Variants in ARMC9 observed in about 807,000 individuals in gnomAD.
ARMC9 encodes lisH domain-containing protein ARMC9.
In ARMC9, 94 loss-of-function variants were observed where a neutral mutation model predicts 107.0. The ratio of observed to expected loss-of-function variants is 0.88; its 90% CI spans 0.74 to 1.04. The LOEUF (loss-of-function observed/expected upper bound fraction) is 1.04, where lower values mean the gene tolerates loss of function less well. ARMC9 is among the 50% of genes least tolerant of loss of function. The pLI is 0.00. For missense variants in ARMC9, 942 were observed against 1,030.1 expected, an observed-to-expected ratio of 0.91 and a Z score of 1.17; for synonymous variants, 380 against 396.9, an observed-to-expected ratio of 0.96 and a Z score of 0.51.
chr2:231,370,070 C>T lies in ARMC9; in HGVS notation c.2379C>T (p.Gly793=). ...SVLAPLFSSC[G]PQQASRPGST... The stretch of plus-strand genomic sequence containing the variant: ...TGGCCCCTCTGTTCTCTTCGTGTGG[C>T]CCCCAGCAGGCCAGCCGCCCCGGCT... The change falls in exon 24 of 25, where the codon GGC becomes GGT. Residue 793 remains glycine (G), a synonymous_variant. Transcript: ENST00000611582. The T allele has an allele frequency of 1.3e-6, 2 of 1,534,992 alleles. No homozygotes were observed. Among genetic ancestry groups the T allele is most frequent in the Non-Finnish European group, 8.7e-7 (1 of 1,146,194 alleles).
At chr2:231,273,200 C>G (rs1053258227) in intron 14 of ARMC9, 122 bp downstream of exon 14, 2 of 1,337,426 alleles carry the variant, frequency 1.5e-6, no homozygotes, top group Non-Finnish European at 2.0e-6. Context: ...GGATGACTTT[C>G]TAAGACAGAG....
Position 231,216,773 on chromosome 2 carries a change from T to C in ARMC9, c.484T>C (p.Ser162Pro), listed in dbSNP as rs1181755333. Residue 162 changes from serine to proline, a missense_variant, in exon 5 of 25, where the codon TCA (serine) becomes CCA (proline). Coordinates refer to ENST00000611582, the MANE Select transcript of ARMC9 (RefSeq NM_001352754.2). ...PFVPNPMVHP[S>P]FKELFQDSWT... ...TGTTCCCAACCCTATGGTGCACCCC[T>C]CATTTAAAGAACTCTTCCAGGTAAA... 3 of 1,612,688 alleles carry C rather than the reference T, an allele frequency of 1.9e-6. No homozygotes were observed. The South Asian group carries it at 3.3e-5, about 18-fold the overall frequency.
intron 21 of ARMC9, among the ~76,000 whole-genome samples, chr2:231,345,827 T>G: frequency 6.6e-6 from 1 of 152,234 alleles, no homozygotes; most frequent in Admixed American, 6.5e-5. Context: ...ATACCGTGTT[T>G]TACTTAGTTA....
chr2:231,284,818 G>A (rs1356136668), intron 17 of ARMC9, among the ~76,000 whole-genome samples: 1 of 152,080 alleles, frequency 6.6e-6, no homozygotes, highest in Non-Finnish European at 1.5e-5. Context: ...AGTAACTGTG[G>A]GTCAAAGAAA....
At chr2:231,293,243 C>A (rs1398647298) in intron 18 of ARMC9, among the ~76,000 whole-genome samples, 1 of 152,160 alleles carries the variant, frequency 6.6e-6, no homozygotes, top group Non-Finnish European at 1.5e-5. Flanking sequence ...CTCATTCTGG[C>A]ATATTGAAAA....
chr2:231,240,122 A>G (rs2036159598), intron 9 of ARMC9, 81 bp downstream of exon 9: 5 of 1,168,426 alleles, frequency 4.3e-6, no homozygotes, highest in East Asian at 5.1e-5. Flanking sequence ...AAATAGCATG[A>G]AAAAATAACA....
chr2:231,313,825 G>A (rs867916530), intron 19 of ARMC9, among the ~76,000 whole-genome samples: 1 of 151,754 alleles, frequency 6.6e-6, no homozygotes, highest in East Asian at 1.9e-4. Flanking sequence ...TGCAATCACG[G>A]CTCACTGCAA....
chr2:231,271,016 A>G lies in ARMC9; in HGVS notation c.1154A>G (p.Asp385Gly). 1 of 1,614,164 alleles carries G rather than the reference A, an allele frequency of 6.2e-7. No homozygotes were observed. Among genetic ancestry groups the G allele is most frequent in the Non-Finnish European group, 8.5e-7 (1 of 1,180,042 alleles). ...SVLQLLHSTS[D>G]VVRQYMARLI... is the part of the protein sequence containing the mutation. ...CTTCAGTTGCTGCACTCCACGAGCG[A>G]CGTGGTGCGGCAGTACATGGCCAGG... is the stretch of plus-strand genomic sequence containing the variant. Residue 385 changes from aspartate (D) to glycine (G), a missense_variant, in exon 13 of 25, where the codon GAC becomes GGC. Asp to Gly is a moderately conservative substitution (Grantham distance 94). Transcript: ENST00000611582.
chr2:231,355,671 C>T (rs879318986), intron 21 of ARMC9, 127 bp from the exon 22 acceptor site: 7 of 1,190,522 alleles, frequency 5.9e-6, no homozygotes, highest in Middle Eastern at 2.6e-4. Context: ...GTCTGATATG[C>T]TAATGATGGT....
chr2:231,292,234 T>G (rs1467425841), intron 18 of ARMC9, among the ~76,000 whole-genome samples: 2 of 151,390 alleles, frequency 1.3e-5, no homozygotes. Context: ...TAACAATCTC[T>G]TATCGTACTC....
chr2:231,200,588 C>A (rs1371729287), intron 1 of ARMC9, among the ~76,000 whole-genome samples: 2 of 152,196 alleles, frequency 1.3e-5, no homozygotes, highest in Non-Finnish European at 2.9e-5. Context: ...GCAGGAGAAT[C>A]ACTTGAACCT....
Position 231,341,805 on chromosome 2 carries a change from A to G in ARMC9, c.1879-3170A>G, listed in dbSNP as rs1025230293. Among the ~76,000 whole-genome samples the G allele has an allele frequency of 3.3e-5, 5 of 152,342 alleles. 1 individual carries two copies. Among genetic ancestry groups the G allele is most frequent in the Middle Eastern group, 6.8e-3 (2 of 294 alleles). The stretch of plus-strand genomic sequence containing the variant: ...ATTGACATGTTGACCAACTTTTACT[A>G]CTGAGTAAATTGCATTCAGCTAAAT... On this transcript the variant is annotated intron_variant, in intron 20 of 24. Transcript: ENST00000611582.
chr2:231,210,319 G>A (rs1004898955), intron 3 of ARMC9, among the ~76,000 whole-genome samples: 1 of 152,172 alleles, frequency 6.6e-6, no homozygotes, highest in East Asian at 1.9e-4. Flanking sequence ...CACCTAGAAC[G>A]ATATGTTCAG....
intron 9 of ARMC9, among the ~76,000 whole-genome samples, chr2:231,254,826 A>C (rs992355501): frequency 6.6e-6 from 1 of 152,072 alleles, no homozygotes; most frequent in Non-Finnish European, 1.5e-5. Flanking sequence ...GCATTTCACT[A>C]ATCTTGCTTG....
At chr2:231,236,432 A>T (rs896063050) in intron 8 of ARMC9, among the ~76,000 whole-genome samples, 23 of 152,236 alleles carry the variant, frequency 1.5e-4, no homozygotes, top group Non-Finnish European at 1.5e-5. Flanking sequence ...TATAAAGTAC[A>T]ATAAAATCTA....
intron 19 of ARMC9, among the ~76,000 whole-genome samples, chr2:231,316,814 G>C (rs1277139801): frequency 6.6e-6 from 1 of 152,168 alleles, no homozygotes; most frequent in Non-Finnish European, 1.5e-5. Context: ...CCAAGCTGGA[G>C]TACAGTGGCT....
chr2:231,226,900 T>C, intron 7 of ARMC9, 102 bp downstream of exon 7: 1 of 1,379,084 alleles, frequency 7.3e-7, no homozygotes, highest in Non-Finnish European at 1.0e-6. Context: ...GATTTTGGCT[T>C]TAAGAGTCTA....
intron 1 of ARMC9, among the ~76,000 whole-genome samples, chr2:231,201,603 C>T (rs2030987797): frequency 6.6e-6 from 1 of 152,252 alleles, no homozygotes. Flanking sequence ...TTCACACTCA[C>T]TGGAATGTGC....
chr2:231,225,357 A>G (rs1044385006), intron 6 of ARMC9, among the ~76,000 whole-genome samples: 5 of 152,350 alleles, frequency 3.3e-5, no homozygotes, highest in Middle Eastern at 3.4e-3. Context: ...TACCCTAGCT[A>G]TATACCCAAG....
Sources: gnomAD v4.1 joint callset for allele counts (sites outside exome capture counted in the v4.1 genomes callset) on GRCh38, gnomAD v4.1.1 for gene constraint, MANE v1.5 for transcripts, NCBI Gene and HGNC (gene_info 2026-07-23, HGNC 2026-07-21) for gene names.